GLS2: variants seen among roughly 807,000 people sequenced by gnomAD.
GLS2 encodes the protein glutaminase liver isoform, mitochondrial.
Under a neutral mutation model 79.0 loss-of-function variants are expected in GLS2, and 52 were observed. That is an observed-to-expected ratio of 0.66 (90% CI 0.53 to 0.83). GLS2 has a LOEUF of 0.83. Among genes scored for constraint, GLS2 ranks in the 40% least tolerant of loss-of-function variants. GLS2 has a pLI of 0.00. For synonymous variants in GLS2, 238 were observed against 280.8 expected (o/e 0.85, Z 1.52); for missense variants, 561 against 764.8 (o/e 0.73, Z 3.14).
At chr12:56,476,052 G>C (rs1869781599) in intron 7 of GLS2, 75 bp from the exon 8 acceptor site, 1 of 1,440,404 alleles carries the variant, frequency 6.9e-7, no homozygotes, top group African/African-American at 1.4e-5. Flanking sequence ...AGGATCTAGT[G>C]GAGTTCTAGT....
At chr12:56,485,167 T>C (rs1250850806) in intron 1 of GLS2, among the ~76,000 whole-genome samples, 1 of 152,198 alleles carries the variant, frequency 6.6e-6, no homozygotes, top group Non-Finnish European at 1.5e-5. Context: ...AAATTACATA[T>C]ACATATATAG....
chr12:56,482,097 G>A (rs1203294723), intron 1 of GLS2, among the ~76,000 whole-genome samples: 1 of 152,056 alleles, frequency 6.6e-6, no homozygotes, highest in Non-Finnish European at 1.5e-5. Flanking sequence ...CAGGTGTGGT[G>A]GTGGGCTTCT....
At position 56,478,040 on chromosome 12, in the gene GLS2, A is replaced by G. The variant is rs770417416; in HGVS notation, c.671T>C (p.Leu224Pro). 7.4e-6 allele frequency: 12 copies of G among 1,614,074 alleles called. No individual in the cohort carries two copies. The Admixed American group carries it at 1.2e-4, about 16-fold the overall frequency. ...PFCLQSCVKP[L>P]TYAISISTLG... ...GGTGCTTATGGAGATGGCATAGGTG[A>G]GGGGCTTCACACAGGACTGCAGGCA... Residue 224 changes from leucine to proline, a missense_variant, in exon 6 of 18, where the codon CTC (leucine) becomes CCC (proline). Coordinates refer to ENST00000311966, the MANE Select transcript of GLS2 (RefSeq NM_013267.4).
intron 1 of GLS2, among the ~76,000 whole-genome samples, chr12:56,481,400 G>A (rs1870285691): frequency 6.7e-6 from 1 of 150,352 alleles, no homozygotes; most frequent in Non-Finnish European, 1.5e-5. Context: ...TAGAGACGGG[G>A]TTTCACCATT....
chr12:56,478,857 G>T lies in GLS2; in HGVS notation c.534+195C>A, dbSNP rs942526268. Reference sequence around the variant, plus strand: ...AAAATACAAAAATTAGTCGGGCATGGTGGTGTATGCCAGCTACTCGGGAGG... The same window carrying T: ...AAAATACAAAAATTAGTCGGGCATGTTGGTGTATGCCAGCTACTCGGGAGG... On this transcript the variant is annotated intron_variant, in intron 4 of 17. Transcript: ENST00000311966. 6.3e-5 allele frequency: 38 copies of T among 599,596 alleles called. No homozygotes were observed. In the African/African-American group the frequency reaches 7.1e-4, roughly 11 times the overall value. The allele number at this position is 599,596 out of a possible 1,614,324, so 37.1% of individuals were successfully genotyped here. A position where few individuals can be genotyped will look rare whatever the true frequency, so the allele number is the denominator to read the frequency against.
chr12:56,487,590 CA>C, intron 1 of GLS2: 1 of 366,010 alleles, frequency 2.7e-6, no homozygotes, highest in Admixed American at 4.5e-5. Flanking sequence ...CTAAAATACA[CA>C]CGAGGACTAG....
In GLS2 at chr12:56,479,819, G is replaced by T; in HGVS notation, c.365C>A (p.Ser122Tyr). Residue 122 changes from serine to tyrosine, a missense_variant, in exon 3 of 18, where the codon TCC (serine) becomes TAC (tyrosine). Transcript: ENST00000311966. Reference protein sequence around the residue: ...MSEMHRVVQESSSGGLLDRDL... With the variant: ...MSEMHRVVQEYSSGGLLDRDL... ...TCGGTCCAAGAGGCCACCACTACTG[G>T]ACTCTTGGACCACGCGGTGCATCTC... 1 of 1,611,884 alleles carries T rather than the reference G, an allele frequency of 6.2e-7. No individual in the cohort carries two copies. Among genetic ancestry groups the T allele is most frequent in the Non-Finnish European group, 8.5e-7 (1 of 1,179,802 alleles).
rs1043011 is a variant in GLS2 at position 56,471,256 on chromosome 12, G to T, written c.*231C>A. 0.17 allele frequency: 82,228 copies of T among 494,730 alleles called. 7,562 individuals are homozygous for T. The highest frequency in any genetic ancestry group is 0.23 in the Middle Eastern group (442 of 1,942). 30.6% of individuals were successfully genotyped at this position (494,730 alleles called of 1,614,324 possible). ...CCATTAGGCTGTACCTTGAAGCCCA[G>T]TCTCTCTGGATAGCTGTACTGCAGG... is the stretch of plus-strand genomic sequence containing the variant. On this transcript the variant is annotated 3_prime_UTR_variant, in exon 18 of 18. Transcript: ENST00000311966.
chr12:56,478,744 G>A (rs1565705714), intron 4 of GLS2: 5 of 289,444 alleles, frequency 1.7e-5, no homozygotes, highest in Non-Finnish European at 2.0e-5. Context: ...TGTAATCCCA[G>A]CACTTTGGGA....
At chr12:56,476,203 C>CGA in intron 7 of GLS2, 1 of 303,394 alleles carries the variant, frequency 3.3e-6, no homozygotes, top group South Asian at 4.9e-5. Flanking sequence ...ACCCTTGTCA[C>CGA]CCAGGCTGGA....
In GLS2 at chr12:56,478,034, T is replaced by C. The variant is rs760365963; in HGVS notation, c.677A>G (p.Tyr226Cys). ...GCCTAGGGTGCTTATGGAGATGGCA[T>C]AGGTGAGGGGCTTCACACAGGACTG... ...CLQSCVKPLT[Y>C]AISISTLGTD... The change falls in exon 6 of 18, where the codon TAT (tyrosine) becomes TGT (cysteine). Residue 226 changes from tyrosine (Y) to cysteine (C), a missense_variant. By Grantham distance (194) the Tyr-to-Cys change is radical. This residue lies in a region of GLS2 where 221 missense variants were observed against 275.6 expected (regional missense o/e 0.80). Transcript: ENST00000311966. The C allele has an allele frequency of 8.1e-6, 13 of 1,614,210 alleles. No individual in the cohort carries two copies. The highest frequency in any genetic ancestry group is 5.5e-5 in the South Asian group (5 of 91,088).
Position 56,477,686 on chromosome 12 carries a change from C to T in GLS2, c.811G>A (p.Ala271Thr). ...IPHNPMVNAG[A>T]IVVSSLIKMD... ...TTGATCAGGGAGCTGACAACAATGG[C>T]ACCAGCATTGACCATGGGGTTATGG... The change falls in exon 7 of 18, where the codon GCC becomes ACC. Residue 271 changes from alanine (A) to threonine (T), a missense_variant. Transcript: ENST00000311966. 6.2e-7 allele frequency: 1 copy of T among 1,613,576 alleles called. No individual in the cohort carries two copies. The highest frequency in any genetic ancestry group is 8.5e-7 in the Non-Finnish European group (1 of 1,179,800).
At position 56,476,025 on chromosome 12, in the gene GLS2, CAG is replaced by C. The variant is rs768576290; in HGVS notation, c.838-50_838-49del. Reference sequence around the variant, plus strand: ...CAGCATTCTAAGTGTAGGAGGATGACAGAGGGAAGGGTCAGAAGGATCTAGTG... The same window carrying C: ...CAGCATTCTAAGTGTAGGAGGATGACAGGGAAGGGTCAGAAGGATCTAGTG... On this transcript the variant is annotated intron_variant, in intron 7 of 17. Coordinates refer to ENST00000311966, the MANE Select transcript of GLS2 (RefSeq NM_013267.4). The C allele has an allele frequency of 2.5e-6, 4 of 1,585,436 alleles. No homozygotes were observed. The East Asian group carries it at 8.9e-5, about 35-fold the overall frequency.
intron 1 of GLS2, among the ~76,000 whole-genome samples, chr12:56,484,053 T>A (rs898816462): frequency 1.3e-5 from 2 of 152,002 alleles, no homozygotes; most frequent in Non-Finnish European, 2.9e-5. Flanking sequence ...GGGCGGATCA[T>A]GAGGTAAGGA....
intron 14 of GLS2, 132 bp from the exon 15 acceptor site, chr12:56,472,883 T>G (rs1869419075): frequency 1.5e-6 from 1 of 668,062 alleles, no homozygotes; most frequent in Non-Finnish European, 2.5e-6. Flanking sequence ...CTCTGAAATA[T>G]TCTTTTTTTT....
At chr12:56,480,075 G>A (rs1870162914) in intron 2 of GLS2, among the ~76,000 whole-genome samples, 174 bp from the exon 3 acceptor site, 1 of 152,188 alleles carries the variant, frequency 6.6e-6, no homozygotes, top group African/African-American at 2.4e-5. Context: ...GCTAACAAGG[G>A]TTTCCTGTCC....
At chr12:56,474,979 C>T (rs1182014247) in intron 10 of GLS2, 65 bp downstream of exon 10, 3 of 1,613,662 alleles carry the variant, frequency 1.9e-6, no homozygotes, top group Non-Finnish European at 2.5e-6. Context: ...AGCCCCCAAC[C>T]CCTACTGCCC....
chr12:56,480,057 C>G (rs1400806595), intron 2 of GLS2, among the ~76,000 whole-genome samples, 156 bp from the exon 3 acceptor site: 1 of 152,164 alleles, frequency 6.6e-6, no homozygotes, highest in East Asian at 1.9e-4. Flanking sequence ...GATGGAGTAG[C>G]TCTGAAGGCT....
rs1869590586 is a variant in GLS2, at chr12:56,474,298, A to G, written c.1224+246T>C. On this transcript the variant is annotated intron_variant, in intron 12 of 17. Transcript: ENST00000311966. The stretch of plus-strand genomic sequence containing the variant: ...GAGATGGGGTTTCACCATGTAGGTC[A>G]GGCTGGTCTCGAACTCCTGACCTCA... The G allele has an allele frequency of 1.0e-5, 5 of 488,932 alleles. No individual in the cohort carries two copies. In the Admixed American group the frequency reaches 1.7e-4, roughly 16 times the overall value. The allele number at this position is 488,932 out of a possible 1,614,324, so 30.3% of individuals were successfully genotyped here. A position where few individuals can be genotyped will look rare whatever the true frequency, so the allele number is the denominator to read the frequency against.
Sources: allele counts gnomAD v4.1 joint callset (sites outside exome capture counted in the v4.1 genomes callset), GRCh38; gene constraint gnomAD v4.1.1; regional missense constraint gnomAD v4.1.1; transcripts MANE v1.5; gene names NCBI Gene and HGNC (gene_info 2026-07-23, HGNC 2026-07-21).